Variants in SAFB2 observed in about 807,000 individuals in gnomAD.
The protein encoded by SAFB2 is scaffold attachment factor B2.
Under a neutral mutation model 100.6 loss-of-function variants are expected in SAFB2, and 32 were observed. The observed-to-expected ratio is 0.32, with a 90% CI of 0.24 to 0.43. The LOEUF (loss-of-function observed/expected upper bound fraction) is 0.43. Ranked by LOEUF, SAFB2 falls within the 20% of genes least tolerant of loss-of-function variation. The pLI is 1.00. For synonymous variants in SAFB2, 500 were observed against 439.4 expected (o/e 1.14, Z -1.72); for missense variants, 1,185 against 1,163.4 (o/e 1.02, Z -0.27).
chr19:5,595,755 C>T (rs1599237122), intron 13 of SAFB2, among the ~76,000 whole-genome samples: 2 of 152,340 alleles, frequency 1.3e-5, no homozygotes, highest in East Asian at 3.9e-4. Flanking sequence ...CTCAGAAAAC[C>T]TACAGGCACA....
At chr19:5,614,706 G>A (rs955191351) in intron 4 of SAFB2, among the ~76,000 whole-genome samples, 5 of 152,168 alleles carry the variant, frequency 3.3e-5, no homozygotes, top group African/African-American at 1.2e-4. Context: ...AGATCAGCTC[G>A]AAGACACTGA....
chr19:5,590,263 G>A lies in SAFB2; in HGVS notation c.2525+15C>T, dbSNP rs932009770. The A allele has an allele frequency of 3.2e-6, 5 of 1,572,608 alleles. No homozygotes were observed. The African/African-American group carries it at 6.7e-5, about 21-fold the overall frequency. On this transcript the variant is annotated intron_variant, in intron 18 of 20. Coordinates refer to ENST00000252542, the MANE Select transcript of SAFB2 (RefSeq NM_014649.3). ...GGACAGATGCTCCCCACCCGGCTGG[G>A]GCTCACCCACTAACCTGGGGGGAGG...
intron 2 of SAFB2, among the ~76,000 whole-genome samples, chr19:5,618,329 T>G (rs1162114803): frequency 2.0e-5 from 3 of 151,762 alleles, no homozygotes; most frequent in Non-Finnish European, 2.9e-5. Context: ...ACCACTGTAC[T>G]CCAGCCTGGG....
At position 5,587,436 on chromosome 19, in the gene SAFB2, G is replaced by T. The variant is rs763729450; in HGVS notation, c.2706-37C>A. 1 of 1,572,758 alleles carries T rather than the reference G, an allele frequency of 6.4e-7. No homozygotes were observed. Among genetic ancestry groups the T allele is most frequent in the Non-Finnish European group, 8.6e-7 (1 of 1,156,888 alleles). ...GTCAGACAATTTTTTTCCCCTTGAAGTGCTCAGCGTTTTCATCGTAACATG... is the reference window on the plus strand; with the variant it reads ...GTCAGACAATTTTTTTCCCCTTGAATTGCTCAGCGTTTTCATCGTAACATG... On this transcript the variant is annotated intron_variant, in intron 20 of 20. Transcript: ENST00000252542. This position sits in a 1 kb window ranked among gnomAD's most constrained non-coding sequence, Gnocchi z 4.9.
intron 9 of SAFB2, among the ~76,000 whole-genome samples, chr19:5,605,768 T>C (rs1426264916): frequency 1.3e-5 from 2 of 152,192 alleles, no homozygotes; most frequent in Admixed American, 1.3e-4. Context: ...ATCCTGGACA[T>C]CAGGCTGCCC....
chr19:5,615,003 G>A (rs553035585), intron 4 of SAFB2, among the ~76,000 whole-genome samples: 13 of 152,172 alleles, frequency 8.5e-5, no homozygotes, highest in Non-Finnish European at 1.5e-4. Flanking sequence ...TTGAGGTCAG[G>A]AGTTCGAGAC....
chr19:5,593,969 T>C lies in SAFB2; in HGVS notation c.2129A>G (p.Glu710Gly), dbSNP rs752474387. 1.4e-5 allele frequency: 22 copies of C among 1,551,096 alleles called. No individual in the cohort carries two copies. Among genetic ancestry groups the C allele is most frequent in the Non-Finnish European group, 1.8e-5 (21 of 1,155,850 alleles). ...CTGCTCCTGCTGGCGCCGCAGCTCC[T>C]CGCGCTCGCGGTGGATGCGCTCCTG... ...KEQERIHREREELRRQQEQLR... is the reference protein window; with the variant it reads ...KEQERIHRERGELRRQQEQLR... The change falls in exon 15 of 21, where the codon GAG becomes GGG. Residue 710 changes from glutamate to glycine, a missense_variant. This residue lies in a region of SAFB2 where 740 missense variants were observed against 687.1 expected (regional missense o/e 1.08). Transcript: ENST00000252542.
intron 4 of SAFB2, among the ~76,000 whole-genome samples, chr19:5,614,088 G>A (rs1184401159): frequency 6.6e-6 from 1 of 152,166 alleles, no homozygotes; most frequent in Non-Finnish European, 1.5e-5. Flanking sequence ...CGAGGAGCTA[G>A]GATTACAGGC....
At chr19:5,613,564 G>A in intron 4 of SAFB2, 37 bp from the exon 5 acceptor site, 1 of 1,603,008 alleles carries the variant, frequency 6.2e-7, no homozygotes, top group Non-Finnish European at 8.5e-7. Flanking sequence ...CGTGGAGGCT[G>A]GAGCTATGAA....
At position 5,592,725 on chromosome 19, in the gene SAFB2, A is replaced by T. The variant is rs1293753418; in HGVS notation, c.2348+22T>A. 3.1e-6 allele frequency: 5 copies of T among 1,613,268 alleles called. No individual in the cohort carries two copies. In the Admixed American group the frequency reaches 5.0e-5, roughly 16 times the overall value. On this transcript the variant is annotated intron_variant, in intron 16 of 20. Transcript: ENST00000252542. ...CGGTGCCCACAATGACTGTAGCTAA[A>T]GGAGGGGACAAGACCACTGACCTGT...
chr19:5,615,107 C>T (rs1363321428), intron 4 of SAFB2, among the ~76,000 whole-genome samples: 2 of 152,200 alleles, frequency 1.3e-5, no homozygotes, highest in Non-Finnish European at 2.9e-5. Flanking sequence ...GTAATCCCAG[C>T]ACTTTGGGAG....
intron 6 of SAFB2, 187 bp downstream of exon 6, chr19:5,612,353 A>AG (rs2052926607): frequency 6.4e-6 from 4 of 624,990 alleles, no homozygotes; most frequent in African/African-American, 1.8e-5. Context: ...GACCTCAAGA[A>AG]GCCAGAATGG....
At chr19:5,614,739 C>G (rs2052985426) in intron 4 of SAFB2, among the ~76,000 whole-genome samples, 1 of 152,216 alleles carries the variant, frequency 6.6e-6, no homozygotes, top group Admixed American at 6.5e-5. Flanking sequence ...TTTGAACAGC[C>G]TCACCAGAGA....
intron 9 of SAFB2, among the ~76,000 whole-genome samples, chr19:5,609,300 C>CTTTTT (rs751534976): frequency 1.9e-4 from 22 of 118,848 alleles, no homozygotes; most frequent in East Asian, 5.2e-4. Flanking sequence ...TCACTTCATT[C>CTTTTT]TTTTTTTTTT....
intron 11 of SAFB2, among the ~76,000 whole-genome samples, chr19:5,601,651 GCAGT>G (rs1248482638): frequency 1.3e-5 from 2 of 152,072 alleles, no homozygotes; most frequent in African/African-American, 4.8e-5. Flanking sequence ...GGTGGAGGTT[GCAGT>G]CAGCCGAGAT....
In SAFB2 at chr19:5,595,364, C is replaced by T. The variant is rs2052514292; in HGVS notation, c.1916G>A (p.Arg639Gln). 4.3e-6 allele frequency: 7 copies of T among 1,609,712 alleles called. No individual in the cohort carries two copies. Among genetic ancestry groups the T allele is most frequent in the East Asian group, 2.2e-5 (1 of 44,870 alleles). The change falls in exon 14 of 21, where the codon CGG becomes CAG. Residue 639 changes from arginine to glutamine, a missense_variant. Transcript: ENST00000252542. Reference sequence around the variant, plus strand: ...AGCCTCACCCAGCTCCACTCACCGCCGCCTCTCCGTTTCGCGGATCTCCCG... The same window carrying T: ...AGCCTCACCCAGCTCCACTCACCGCTGCCTCTCCGTTTCGCGGATCTCCCG... ...REREIRETER[R>Q]REREQREREQ...
intron 2 of SAFB2, 114 bp downstream of exon 2, chr19:5,621,195 G>A: frequency 4.1e-6 from 3 of 735,764 alleles, no homozygotes; most frequent in South Asian, 1.5e-5. Flanking sequence ...TCTTAGTGGA[G>A]GGACACCGAG....
chr19:5,600,763 G>A (rs143732799), intron 11 of SAFB2, among the ~76,000 whole-genome samples: 59 of 152,230 alleles, frequency 3.9e-4, no homozygotes, highest in Admixed American at 1.0e-3. Context: ...CCCCTCGACC[G>A]GTAACTGCTG....
chr19:5,593,813 A>G, intron 15 of SAFB2, 78 bp downstream of exon 15: 1 of 1,341,642 alleles, frequency 7.5e-7, no homozygotes. Flanking sequence ...GACGGAAGGG[A>G]AGCCGCTGTT....
Sources: gnomAD v4.1 joint callset for allele counts (sites outside exome capture counted in the v4.1 genomes callset) on GRCh38, gnomAD v4.1.1 for gene constraint, gnomAD v4.1.1 regional missense constraint, Gnocchi (gnomAD v3.1) non-coding constraint, MANE v1.5 for transcripts, NCBI Gene and HGNC (gene_info 2026-07-23, HGNC 2026-07-21) for gene names.